Variants in DPP9 observed in about 807,000 individuals in gnomAD.
The protein encoded by DPP9 is dipeptidyl peptidase 9, also known as dipeptidyl peptidase IV-related protein-2.
A neutral mutation model predicts 110.7 loss-of-function variants in DPP9; 50 were observed. The ratio of observed to expected loss-of-function variants is 0.45; its 90% CI spans 0.36 to 0.57. The LOEUF is 0.57. Among genes scored for constraint, DPP9 ranks in the 20% least tolerant of loss-of-function variants. The pLI, the probability that DPP9 is intolerant of heterozygous loss-of-function variation, is 0.00. For synonymous variants in DPP9, 561 were observed against 514.4 expected (o/e 1.09, Z -1.23); for missense variants, 1,022 against 1,217.9 (o/e 0.84, Z 2.39).
chr19:4,695,188 G>T lies in DPP9; in HGVS notation c.1353+190C>A. On this transcript the variant is annotated intron_variant, in intron 12 of 21. Transcript: ENST00000262960. The surrounding 1 kb of genome is among the most constrained non-coding windows in gnomAD (Gnocchi z 4.7). Reference sequence around the variant, plus strand: ...AATAGATGAGGGGAGAGGCTCCAATGGCTGCCAGACTCACCAACCCCCCTA... The same window carrying T: ...AATAGATGAGGGGAGAGGCTCCAATTGCTGCCAGACTCACCAACCCCCCTA... 1 of 609,510 alleles carries T rather than the reference G, an allele frequency of 1.6e-6. No individual in the cohort carries two copies. The allele number at this position is 609,510 out of a possible 1,614,324, so 37.8% of individuals were successfully genotyped here.
Position 4,689,687 on chromosome 19 carries a change from G to T in DPP9, c.1632C>A (p.Phe544Leu). Residue 544 changes from phenylalanine to leucine, a missense_variant, in exon 15 of 22, where the codon TTC (phenylalanine) becomes TTA (leucine). Physicochemically the swap from Phe to Leu is conservative, Grantham distance 22 (BLOSUM62 0). Coordinates refer to ENST00000262960, the MANE Select transcript of DPP9 (RefSeq NM_139159.5). This position sits in a 1 kb window ranked among gnomAD's most constrained non-coding sequence, Gnocchi z 7.0. ...CCAGCGGCGTGTCCTTGGTGCCCTG[G>T]AAGTACACCAGCTTGGTCTCCTCAT... Reference protein sequence around the residue: ...WVNEETKLVYFQGTKDTPLEH... With the variant: ...WVNEETKLVYLQGTKDTPLEH... The T allele has an allele frequency of 6.4e-7, 1 of 1,556,410 alleles. No homozygotes were observed. Among genetic ancestry groups the T allele is most frequent in the Non-Finnish European group, 8.7e-7 (1 of 1,149,716 alleles).
In DPP9 at chr19:4,676,492, T is replaced by G. The variant is rs529381667; in HGVS notation, c.*72A>C. ...TCACTGGGGCCCGCGGGCCACTCAG[T>G]CCCTCCCGCCTGGTTCCCCGCGGAG... is the stretch of plus-strand genomic sequence containing the variant. On this transcript the variant is annotated 3_prime_UTR_variant, in exon 22 of 22. Coordinates refer to ENST00000262960, the MANE Select transcript of DPP9 (RefSeq NM_139159.5). The surrounding 1 kb of genome is among the most constrained non-coding windows in gnomAD (Gnocchi z 4.0). The G allele has an allele frequency of 1.7e-5, 23 of 1,358,826 alleles. No individual in the cohort carries two copies. Among genetic ancestry groups the G allele is most frequent in the Non-Finnish European group, 2.2e-5 (21 of 973,168 alleles). The allele number at this position is 1,358,826 out of a possible 1,614,324, so 84.2% of individuals were successfully genotyped here.
rs201357755 is a variant in DPP9 at position 4,714,362 on chromosome 19, G to A, written c.57-25C>T. 9.7e-5 allele frequency: 142 copies of A among 1,466,910 alleles called. No homozygotes were observed. The African/African-American group carries it at 1.5e-3, about 16-fold the overall frequency. The allele number at this position is 1,466,910 out of a possible 1,614,324, so 90.9% of individuals were successfully genotyped here. ...GCTGCGGGGAGGAAGCAAAGACTAT[G>A]AGAAAGGAGAACTGTTTTACCTACG... On this transcript the variant is annotated intron_variant, in intron 3 of 21. Transcript: ENST00000262960.
At position 4,714,256 on chromosome 19, in the gene DPP9, T is replaced by C. The variant is rs1462172472; in HGVS notation, c.138A>G (p.Thr46=). The C allele has an allele frequency of 6.3e-7, 1 of 1,579,272 alleles. No individual in the cohort carries two copies. The highest frequency in any genetic ancestry group is 8.6e-7 in the Non-Finnish European group (1 of 1,164,046). Residue 46 remains threonine (T), a synonymous_variant, in exon 4 of 22, where the codon ACA becomes ACG. Coordinates refer to ENST00000262960, the MANE Select transcript of DPP9 (RefSeq NM_139159.5). ...CCTGGAAGCGGGCGGCCGGGTCATC[T>C]GTGGCGGCTGCGTCGCCTCGGTCGG... ...PTADRGDAAA[T]DDPAARFQVQ... is the part of the protein sequence containing the mutation.
At chr19:4,681,842 CTTTT>C (rs778786711) in intron 20 of DPP9, among the ~76,000 whole-genome samples, 2 of 115,742 alleles carry the variant, frequency 1.7e-5, no homozygotes, top group East Asian at 2.4e-4. Context: ...CCCAGGCAGA[CTTTT>C]TTTTTTTTTT....
chr19:4,702,455 C>T (rs2092322610), intron 8 of DPP9, 148 bp downstream of exon 8: 2 of 721,266 alleles, frequency 2.8e-6, no homozygotes, highest in African/African-American at 1.8e-5. Context: ...GCGATGTCTA[C>T]AGTCGTTAAG....
Position 4,683,555 on chromosome 19 carries a change from G to A in DPP9, c.2253C>T (p.Ser751=), listed in dbSNP as rs1428067614. ...AGGACCAGCCATGGATGGCAACTCG[G>A]CTCAGGTCGATGAAGCCATACTTCT... ...VAEKYGFIDL[S]RVAIHGWSYG... is the part of the protein sequence containing the mutation. The change falls in exon 19 of 22, where the codon AGC becomes AGT. Residue 751 remains serine, a synonymous_variant. Coordinates refer to ENST00000262960, the MANE Select transcript of DPP9 (RefSeq NM_139159.5). 1 of 1,613,338 alleles carries A rather than the reference G, an allele frequency of 6.2e-7. No homozygotes were observed. The highest frequency in any genetic ancestry group is 1.3e-5 in the African/African-American group (1 of 74,928).
rs397859631 is a variant in DPP9 at position 4,686,318 on chromosome 19, ATTTT to A, written c.1886-551_1886-548del. ...GTTGGCCAAACTTGTCTCGAACTGTATTTTTTTTTTTTTTTTTTTGAGACGGAGT... is the reference window on the plus strand; with the variant it reads ...GTTGGCCAAACTTGTCTCGAACTGTATTTTTTTTTTTTTTTGAGACGGAGT... On this transcript the variant is annotated intron_variant, in intron 16 of 21. Coordinates refer to ENST00000262960, the MANE Select transcript of DPP9 (RefSeq NM_139159.5). 1.2e-3 allele frequency among the ~76,000 whole-genome samples: 131 copies of A among 105,632 alleles called. 2 individuals carry two copies. In the South Asian group the frequency reaches 0.018, roughly 15 times the overall value. The allele number at this position is 105,632 out of a possible 152,430, so 69.3% of individuals were successfully genotyped here.
intron 2 of DPP9, 60 bp from the exon 3 acceptor site, chr19:4,720,001 G>T (rs975200674): frequency 2.8e-6 from 4 of 1,404,178 alleles, no homozygotes; most frequent in Middle Eastern, 3.7e-4. Flanking sequence ...GGGAGTGGGC[G>T]CTCCTGCCCC....
In DPP9 at chr19:4,686,318, A is replaced by ATTT. The variant is rs397859631; in HGVS notation, c.1886-550_1886-548dup. ...GTTGGCCAAACTTGTCTCGAACTGT[A>ATTT]TTTTTTTTTTTTTTTTTTTGAGACG... is the stretch of plus-strand genomic sequence containing the variant. On this transcript the variant is annotated intron_variant, in intron 16 of 21. Transcript: ENST00000262960. Among the ~76,000 whole-genome samples, 15 of 105,640 alleles carry ATTT rather than the reference A, an allele frequency of 1.4e-4. 1 individual carries two copies. The East Asian group carries it at 2.5e-3, about 18-fold the overall frequency. The allele number at this position is 105,640 out of a possible 152,430, so 69.3% of individuals were successfully genotyped here. A position where few individuals can be genotyped will look rare whatever the true frequency, so the allele number is the denominator to read the frequency against.
Position 4,685,077 on chromosome 19 carries a change from C to A in DPP9, c.2032-268G>T. 1 of 640,158 alleles carries A rather than the reference C, an allele frequency of 1.6e-6. No individual in the cohort carries two copies. The highest frequency in any genetic ancestry group is 1.5e-5 in the South Asian group (1 of 66,164). The allele number at this position is 640,158 out of a possible 1,614,324, so 39.7% of individuals were successfully genotyped here. A position where few individuals can be genotyped will look rare whatever the true frequency, so the allele number is the denominator to read the frequency against. ...CCCAGTCCTGCCTGGAACAACTACT[C>A]TGGCATGATGGACATTGGGGTGGCT... is the stretch of plus-strand genomic sequence containing the variant. On this transcript the variant is annotated intron_variant, in intron 17 of 21. Coordinates refer to ENST00000262960, the MANE Select transcript of DPP9 (RefSeq NM_139159.5). The surrounding 1 kb of genome is among the most constrained non-coding windows in gnomAD (Gnocchi z 5.8).
intron 1 of DPP9, 51 bp downstream of exon 1, chr19:4,723,623 C>CG (rs1200930779): frequency 6.4e-6 from 1 of 156,894 alleles, no homozygotes; most frequent in Non-Finnish European, 1.4e-5. Context: ...CGGTCAATGG[C>CG]GGGTTCAGGG....
intron 20 of DPP9, among the ~76,000 whole-genome samples, chr19:4,680,690 C>T (rs1433181863): frequency 2.7e-5 from 4 of 149,086 alleles, no homozygotes; most frequent in Non-Finnish European, 5.9e-5. Context: ...AGCATGGTGG[C>T]TTACACCTGT....
rs1033661011 is a variant in DPP9, at chr19:4,700,080, G to A, written c.1074+136C>T. 1.4e-5 allele frequency: 8 copies of A among 577,016 alleles called. No homozygotes were observed. Among genetic ancestry groups the A allele is most frequent in the African/African-American group, 9.7e-5 (5 of 51,644 alleles). The allele number at this position is 577,016 out of a possible 1,614,324, so 35.7% of individuals were successfully genotyped here. A position where few individuals can be genotyped will look rare whatever the true frequency, so the allele number is the denominator to read the frequency against. On this transcript the variant is annotated intron_variant, in intron 10 of 21. Transcript: ENST00000262960. The surrounding 1 kb of genome is among the most constrained non-coding windows in gnomAD (Gnocchi z 4.3). ...ACACAGGGAAGGCCTGTGGCTAGGCGGACCGGGCGGCAGGGCTGGGGCCTG... is the reference window on the plus strand; with the variant it reads ...ACACAGGGAAGGCCTGTGGCTAGGCAGACCGGGCGGCAGGGCTGGGGCCTG...
chr19:4,706,412 A>G (rs1366691070), intron 4 of DPP9, among the ~76,000 whole-genome samples: 1 of 152,126 alleles, frequency 6.6e-6, no homozygotes, highest in Non-Finnish European at 1.5e-5. Context: ...GCAGTCAGAA[A>G]CAAACATCCA....
In DPP9 at chr19:4,684,037, C is replaced by G. The variant is rs969786914; in HGVS notation, c.2179-408G>C. ...CTACCAGCCACATCCCCACCACCGC[C>G]ACTGCCACGATTTCAATGCTGGTGT... is the stretch of plus-strand genomic sequence containing the variant. On this transcript the variant is annotated intron_variant, in intron 18 of 21. Coordinates refer to ENST00000262960, the MANE Select transcript of DPP9 (RefSeq NM_139159.5). This position sits in a 1 kb window ranked among gnomAD's most constrained non-coding sequence, Gnocchi z 4.8. The G allele has an allele frequency of 2.4e-5, 9 of 374,236 alleles. No homozygotes were observed. The highest frequency in any genetic ancestry group is 1.3e-4 in the South Asian group (6 of 47,430). 23.2% of individuals were successfully genotyped at this position (374,236 alleles called of 1,614,324 possible). A position where few individuals can be genotyped will look rare whatever the true frequency, so the allele number is the denominator to read the frequency against.
At chr19:4,679,552 C>T (rs2089490455) in intron 21 of DPP9, 3 of 448,768 alleles carry the variant, frequency 6.7e-6, no homozygotes, top group Middle Eastern at 6.1e-4. Context: ...AAGGGTTCCT[C>T]CCTCCATTAG....
rs568252514 is a variant in DPP9 at position 4,684,466 on chromosome 19, C to T, written c.2178+197G>A. ...ACAACTTGTCTCTGTCCCTGCAGGG[C>T]GCAGCCCAGAGCTGAGCAGCAAAGC... On this transcript the variant is annotated intron_variant, in intron 18 of 21. Coordinates refer to ENST00000262960, the MANE Select transcript of DPP9 (RefSeq NM_139159.5). The surrounding 1 kb of genome is among the most constrained non-coding windows in gnomAD (Gnocchi z 4.8). The T allele has an allele frequency of 1.7e-3, 1,063 of 630,466 alleles. 5 individuals are homozygous for T. The highest frequency in any genetic ancestry group is 1.8e-3 in the Non-Finnish European group (653 of 367,592). 39.1% of individuals were successfully genotyped at this position (630,466 alleles called of 1,614,324 possible). A position where few individuals can be genotyped will look rare whatever the true frequency, so the allele number is the denominator to read the frequency against.
At chr19:4,683,021 G>A in intron 19 of DPP9, 183 bp from the exon 20 acceptor site, 1 of 1,522,888 alleles carries the variant, frequency 6.6e-7, no homozygotes. Flanking sequence ...GCGTGGCATG[G>A]GGGTGGGCAG....
Sources: allele counts gnomAD v4.1 joint callset (sites outside exome capture counted in the v4.1 genomes callset), GRCh38; gene constraint gnomAD v4.1.1; non-coding constraint Gnocchi (gnomAD v3.1); transcripts MANE v1.5; gene names NCBI Gene and HGNC (gene_info 2026-07-23, HGNC 2026-07-21).